Variants in UAP1L1 observed in about 807,000 individuals in gnomAD.
UAP1L1 encodes UDP-N-acetylhexosamine pyrophosphorylase-like protein 1.
A neutral mutation model predicts 45.3 loss-of-function variants in UAP1L1; 45 were observed. The ratio of observed to expected loss-of-function variants is 0.99; its 90% CI spans 0.78 to 1.27. UAP1L1 has a LOEUF of 1.27. Ranked by LOEUF, UAP1L1 falls within the 50% of genes most tolerant of loss-of-function variation. UAP1L1 has a pLI of 0.00. For synonymous variants in UAP1L1, 323 were observed against 303.9 expected (o/e 1.06, Z -0.65); for missense variants, 667 against 694.0 (o/e 0.96, Z 0.44).
At chr9:137,078,955 C>T in intron 3 of UAP1L1, 21 bp from the exon 4 acceptor site, 1 of 1,573,714 alleles carries the variant, frequency 6.4e-7, no homozygotes, top group East Asian at 2.2e-5. Context: ...TCGCGATGCC[C>T]ATTCCCTTCT....
At position 137,077,940 on chromosome 9, in the gene UAP1L1, T is replaced by C. The variant is rs1832718262; in HGVS notation, c.290-110T>C. 1.3e-6 allele frequency: 2 copies of C among 1,522,068 alleles called. No homozygotes were observed. The highest frequency in any genetic ancestry group is 1.8e-6 in the Non-Finnish European group (2 of 1,141,056). 94.3% of individuals were successfully genotyped at this position (1,522,068 alleles called of 1,614,324 possible). ...TCGCTACTTTGAGACGTGTCTCGCC[T>C]CACGCGTTCCGGCCCCCGAGTCCTG... On this transcript the variant is annotated intron_variant, in intron 1 of 8. Transcript: ENST00000409858. The surrounding 1 kb of genome is among the most constrained non-coding windows in gnomAD (Gnocchi z 4.7).
Position 137,079,276 on chromosome 9 carries a change from CG to C in UAP1L1, c.865del (p.Glu289ArgfsTer64), listed in dbSNP as rs1335392415. 2.5e-6 allele frequency: 4 copies of C among 1,611,166 alleles called. No homozygotes were observed. The highest frequency in any genetic ancestry group is 2.2e-5 in the East Asian group (1 of 44,784). Reference sequence around the variant, plus strand: ...TGCAGGTGGTGGAAAAGGCATACCCCGAGGAGCCCGTGGGCGTGGTGTGCCA... The same window carrying C: ...TGCAGGTGGTGGAAAAGGCATACCCCAGGAGCCCGTGGGCGTGGTGTGCCA... ...GAKVVEKAYP[E>X]EPVGVVCQVD... On this transcript the variant is annotated frameshift_variant, in exon 5 of 9. Transcript: ENST00000409858. LOFTEE classifies it high-confidence loss of function.
At chr9:137,078,865 G>A (rs1252386319) in intron 3 of UAP1L1, 111 bp from the exon 4 acceptor site, 1 of 1,382,956 alleles carries the variant, frequency 7.2e-7, no homozygotes, top group Non-Finnish European at 9.7e-7. Flanking sequence ...TAGTGACCAG[G>A]GCTGCCTTAG....
rs1264917056 is a variant in UAP1L1, at chr9:137,077,694, G to A, written c.162G>A (p.Ala54=). The A allele has an allele frequency of 2.6e-6, 3 of 1,148,356 alleles. No individual in the cohort carries two copies. The highest frequency in any genetic ancestry group is 4.8e-5 in the Admixed American group (1 of 20,626). The allele number at this position is 1,148,356 out of a possible 1,614,324, so 71.1% of individuals were successfully genotyped here. Residue 54 remains alanine (A), a synonymous_variant, in exon 1 of 9, where the codon GCG becomes GCA. Transcript: ENST00000409858. This position sits in a 1 kb window ranked among gnomAD's most constrained non-coding sequence, Gnocchi z 4.7. ...EALREHCRRA[A]EACARPHGPP... ...TGCGCGAGCACTGCCGGCGGGCGGC[G>A]GAGGCCTGCGCGCGCCCCCACGGCC...
At position 137,079,328 on chromosome 9, in the gene UAP1L1, G is replaced by T. The variant is rs1832752876; in HGVS notation, c.916G>T (p.Glu306Ter). The T allele has an allele frequency of 2.5e-6, 4 of 1,613,206 alleles. No homozygotes were observed. The highest frequency in any genetic ancestry group is 2.5e-6 in the Non-Finnish European group (3 of 1,179,868). Residue 306 changes from glutamate to a stop codon, truncating the protein, a stop_gained, in exon 5 of 9, where the codon GAG becomes TAG. Coordinates refer to ENST00000409858, the MANE Select transcript of UAP1L1 (RefSeq NM_207309.3). LOFTEE classifies it high-confidence loss of function. The part of the protein sequence containing the change: ...CQVDGVPQVV[E>*]YSEISPETAQ... The stretch of plus-strand genomic sequence containing the variant: ...GGTGGACGGTGTCCCCCAGGTGGTG[G>T]AGTACAGCGAGATCAGTCCTGAGAC...
Position 137,079,986 on chromosome 9 carries a change from C to T in UAP1L1, c.1038-16C>T, listed in dbSNP as rs1369098093. On this transcript the variant is annotated splice_polypyrimidine_tract_variant and intron_variant, in intron 5 of 8. Transcript: ENST00000409858. ...TGATCTGTTTCTTTCCTCCCCTCTGCTCTCCCGTGCCCCAGGGAGTTTGAG... is the reference window on the plus strand; with the variant it reads ...TGATCTGTTTCTTTCCTCCCCTCTGTTCTCCCGTGCCCCAGGGAGTTTGAG... 1 of 1,612,698 alleles carries T rather than the reference C, an allele frequency of 6.2e-7. No homozygotes were observed.
Position 137,077,924 on chromosome 9 carries a change from T to TG in UAP1L1, c.289+104dup. On this transcript the variant is annotated intron_variant, in intron 1 of 8. Coordinates refer to ENST00000409858, the MANE Select transcript of UAP1L1 (RefSeq NM_207309.3). The surrounding 1 kb of genome is among the most constrained non-coding windows in gnomAD (Gnocchi z 4.7). ...GGAACTGTAGTTCTCCTCGCTACTT[T>TG]GAGACGTGTCTCGCCTCACGCGTTC... 6.6e-7 allele frequency: 1 copy of TG among 1,508,768 alleles called. No individual in the cohort carries two copies. Among genetic ancestry groups the TG allele is most frequent in the Non-Finnish European group, 8.8e-7 (1 of 1,134,420 alleles). 93.5% of individuals were successfully genotyped at this position (1,508,768 alleles called of 1,614,324 possible). A position where few individuals can be genotyped will look rare whatever the true frequency, so the allele number is the denominator to read the frequency against.
rs761260195 is a variant in UAP1L1 at position 137,080,731 on chromosome 9, C to T, written c.1221C>T (p.Ser407=). The T allele has an allele frequency of 1.9e-6, 3 of 1,612,532 alleles. No homozygotes were observed. Among genetic ancestry groups the T allele is most frequent in the African/African-American group, 1.3e-5 (1 of 74,928 alleles). The change falls in exon 7 of 9, where the codon TCC becomes TCT. Residue 407 remains serine, a synonymous_variant. Coordinates refer to ENST00000409858, the MANE Select transcript of UAP1L1 (RefSeq NM_207309.3). ...AAGTGCTGCGGGAGGAGGAATTTTC[C>T]CCACTGAAGAACGCAGAGCCAGCCG... ...ALEVLREEEF[S]PLKNAEPADR... is the part of the protein sequence containing the mutation.
Position 137,082,791 on chromosome 9 carries a change from G to A in UAP1L1, c.*62G>A, listed in dbSNP as rs554125203. 12 of 1,401,856 alleles carry A rather than the reference G, an allele frequency of 8.6e-6. No individual in the cohort carries two copies. Among genetic ancestry groups the A allele is most frequent in the South Asian group, 2.5e-5 (2 of 80,918 alleles). 86.8% of individuals were successfully genotyped at this position (1,401,856 alleles called of 1,614,324 possible). ...CCAGCCCCGGCATCCTGGAAGTCCCGACTCCCCCCAGACCTGCCAGCCCCG... is the reference window on the plus strand; with the variant it reads ...CCAGCCCCGGCATCCTGGAAGTCCCAACTCCCCCCAGACCTGCCAGCCCCG... On this transcript the variant is annotated 3_prime_UTR_variant, in exon 9 of 9. Transcript: ENST00000409858. This position sits in a 1 kb window ranked among gnomAD's most constrained non-coding sequence, Gnocchi z 5.7.
Position 137,083,904 on chromosome 9 carries a change from G to C in UAP1L1, c.*1175G>C, listed in dbSNP as rs545349188. The C allele has an allele frequency of 7.3e-4, 112 of 152,438 alleles. No individual in the cohort carries two copies. The highest frequency in any genetic ancestry group is 2.6e-3 in the African/African-American group (109 of 41,586). 9.4% of individuals were successfully genotyped at this position (152,438 alleles called of 1,614,324 possible). On this transcript the variant is annotated 3_prime_UTR_variant, in exon 9 of 9. Coordinates refer to ENST00000409858, the MANE Select transcript of UAP1L1 (RefSeq NM_207309.3). ...CCCATTGGTTTCCCAGGGGAGGGGT[G>C]TTGTCTGGAAGGGCAGGTTCAGATG...
intron 5 of UAP1L1, 40 bp downstream of exon 5, chr9:137,079,489 C>G: frequency 6.5e-7 from 1 of 1,548,292 alleles, no homozygotes; most frequent in Non-Finnish European, 8.7e-7. Flanking sequence ...CGGCCAGAGC[C>G]GCCTGCGTTG....
chr9:137,078,292 C>T (rs1018811302), intron 2 of UAP1L1, 38 bp downstream of exon 2: 27 of 1,514,804 alleles, frequency 1.8e-5, no homozygotes, highest in Non-Finnish European at 2.2e-5. Context: ...CGGAGGTACC[C>T]TTCCCCACGC....
At chr9:137,079,600 GAA>G (rs1468095806) in intron 5 of UAP1L1, 151 bp downstream of exon 5, 4 of 711,014 alleles carry the variant, frequency 5.6e-6, no homozygotes, top group Non-Finnish European at 9.1e-6. Flanking sequence ...TCGGGGTGGA[GAA>G]TGGATCCTGA....
At position 137,079,228 on chromosome 9, in the gene UAP1L1, CGGAACCCATCCCT is replaced by C; in HGVS notation, c.844-25_844-13del. The C allele has an allele frequency of 1.2e-6, 2 of 1,603,430 alleles. No homozygotes were observed. The highest frequency in any genetic ancestry group is 1.7e-6 in the Non-Finnish European group (2 of 1,174,908). ...GAGCCCCGCCCCTCCGCCCAGCCCT[CGGAACCCATCCCT>C]GGTCTTGGCTGCAGGTGGTGGAAAA... is the stretch of plus-strand genomic sequence containing the variant. On this transcript the variant is annotated splice_polypyrimidine_tract_variant and intron_variant, in intron 4 of 8. Coordinates refer to ENST00000409858, the MANE Select transcript of UAP1L1 (RefSeq NM_207309.3).
chr9:137,082,475 T>C lies in UAP1L1; in HGVS notation c.1432-162T>C, dbSNP rs983268243. 11 of 628,764 alleles carry C rather than the reference T, an allele frequency of 1.7e-5. No homozygotes were observed. The highest frequency in any genetic ancestry group is 2.8e-5 in the Non-Finnish European group (10 of 353,602). 38.9% of individuals were successfully genotyped at this position (628,764 alleles called of 1,614,324 possible). ...AGTGTGGTCTTGGGTGGCCTTGCAG[T>C]GTGTGTCTGCTCCTGGCCCTGGAAG... On this transcript the variant is annotated intron_variant, in intron 8 of 8. Transcript: ENST00000409858. This position sits in a 1 kb window ranked among gnomAD's most constrained non-coding sequence, Gnocchi z 5.7.
rs1832778584 is a variant in UAP1L1, at chr9:137,080,866, G to A, written c.1356G>A (p.Glu452=). The A allele has an allele frequency of 1.9e-6, 3 of 1,596,024 alleles. No individual in the cohort carries two copies. The highest frequency in any genetic ancestry group is 2.6e-6 in the Non-Finnish European group (3 of 1,175,818). The change falls in exon 7 of 9, where the codon GAG becomes GAA. Residue 452 remains glutamate, a synonymous_variant. Transcript: ENST00000409858. ...FLDAHGAWLP[E]LPSLPPNGDP... ...ATGCCCATGGGGCCTGGCTCCCAGA[G>A]CTGCCCAGGTGAGTGTGGCCCTGGG...
Position 137,077,917 on chromosome 9 carries a change from G to C in UAP1L1, c.289+96G>C. 1 of 1,498,252 alleles carries C rather than the reference G, an allele frequency of 6.7e-7. No homozygotes were observed. Among genetic ancestry groups the C allele is most frequent in the Non-Finnish European group, 8.9e-7 (1 of 1,129,038 alleles). The allele number at this position is 1,498,252 out of a possible 1,614,324, so 92.8% of individuals were successfully genotyped here. A position where few individuals can be genotyped will look rare whatever the true frequency, so the allele number is the denominator to read the frequency against. ...CGCTCGGGGAACTGTAGTTCTCCTC[G>C]CTACTTTGAGACGTGTCTCGCCTCA... On this transcript the variant is annotated intron_variant, in intron 1 of 8. Transcript: ENST00000409858. This position sits in a 1 kb window ranked among gnomAD's most constrained non-coding sequence, Gnocchi z 4.7.
At position 137,077,531 on chromosome 9, in the gene UAP1L1, A is replaced by C. The variant is rs1015596398; in HGVS notation, c.-2A>C. ...GCCGACTTGACAGACGGCAGCGGCG[A>C]CATGGCTTCGGAGCAGGACGTGCGC... On this transcript the variant is annotated 5_prime_UTR_variant, in exon 1 of 9. Coordinates refer to ENST00000409858, the MANE Select transcript of UAP1L1 (RefSeq NM_207309.3). The surrounding 1 kb of genome is among the most constrained non-coding windows in gnomAD (Gnocchi z 4.7). The C allele has an allele frequency of 2.0e-5, 27 of 1,369,578 alleles. No individual in the cohort carries two copies. In the African/African-American group the frequency reaches 3.7e-4, roughly 19 times the overall value. The allele number at this position is 1,369,578 out of a possible 1,614,324, so 84.8% of individuals were successfully genotyped here. A position where few individuals can be genotyped will look rare whatever the true frequency, so the allele number is the denominator to read the frequency against.
At position 137,079,002 on chromosome 9, in the gene UAP1L1, C is replaced by G. The variant is rs767720837; in HGVS notation, c.697C>G (p.Leu233Val). The change falls in exon 4 of 9, where the codon CTG (leucine) becomes GTG (valine). Residue 233 changes from leucine to valine, a missense_variant. Transcript: ENST00000409858. ...CGGCAACGGGGGCCTCTACTGCGCG[C>G]TGGAGGACCACAAGATCCTGGAGGA... ...PDGNGGLYCA[L>V]EDHKILEDME... The G allele has an allele frequency of 5.6e-6, 9 of 1,599,944 alleles. No individual in the cohort carries two copies. The African/African-American group carries it at 1.1e-4, about 19-fold the overall frequency.
Sources: gnomAD v4.1 joint callset for allele counts on GRCh38, gnomAD v4.1.1 for gene constraint, Gnocchi (gnomAD v3.1) non-coding constraint, MANE v1.5 for transcripts, NCBI Gene and HGNC (gene_info 2026-07-23, HGNC 2026-07-21) for gene names.